GRID2: variants seen among roughly 807,000 people sequenced by gnomAD.
GRID2 encodes glutamate ionotropic receptor delta type subunit 2, also known as glutamate receptor ionotropic, delta-2.
In GRID2, 33 loss-of-function variants were observed where a neutral mutation model predicts 114.8. The ratio of observed to expected loss-of-function variants is 0.29; its 90% CI spans 0.22 to 0.38. The LOEUF (loss-of-function observed/expected upper bound fraction) is 0.38, where lower values mean the gene tolerates loss of function less well. Among genes scored for constraint, GRID2 ranks in the 10% least tolerant of loss-of-function variants. GRID2 has a pLI of 1.00. For missense variants in GRID2, 1,184 were observed against 1,257.7 expected (o/e 0.94, Z 0.89); for synonymous variants, 505 against 449.9 (o/e 1.12, Z -1.55).
At position 93,490,759 on chromosome 4, in the gene GRID2, G is replaced by T. The variant is rs745635313; in HGVS notation, c.1979G>T (p.Arg660Leu). Residue 660 changes from arginine (R) to leucine (L), a missense_variant, in exon 12 of 16, where the codon CGC becomes CTC. Arg to Leu is a moderately radical substitution (Grantham distance 102, BLOSUM62 -2). Around this residue, in one of 3 missense-constraint regions of GRID2, gnomAD observed 717 missense variants for 796.9 expected, o/e 0.90. Transcript: ENST00000282020. The stretch of plus-strand genomic sequence containing the variant: ...CTCGCTGCTTTCCTCACTATTACAC[G>T]CATTGAAAGTTCCATCCAGTAAGTA... The part of the protein sequence containing the change: ...ANLAAFLTIT[R>L]IESSIQSLQD... The T allele has an allele frequency of 1.9e-6, 3 of 1,604,756 alleles. No homozygotes were observed. Among genetic ancestry groups the T allele is most frequent in the Non-Finnish European group, 2.6e-6 (3 of 1,174,234 alleles).
intron 1 of GRID2, among the ~76,000 whole-genome samples, chr4:92,455,086 A>G (rs904393963): frequency 1.3e-5 from 2 of 152,172 alleles, no homozygotes; most frequent in Non-Finnish European, 2.9e-5. Context: ...CACCGCTGTA[A>G]ATTTCTATTC....
intron 2 of GRID2, among the ~76,000 whole-genome samples, chr4:92,823,914 A>T (rs909483632): frequency 3.3e-5 from 5 of 152,164 alleles, no homozygotes; most frequent in Non-Finnish European, 4.4e-5. Flanking sequence ...CCCATCAGTA[A>T]TTCCTTCCAG....
intron 2 of GRID2, among the ~76,000 whole-genome samples, chr4:93,070,529 CTG>C (rs1459221350): frequency 6.6e-6 from 1 of 152,000 alleles, no homozygotes; most frequent in Non-Finnish European, 1.5e-5. Flanking sequence ...GAATGGATAA[CTG>C]TGATCCAGCT....
intron 8 of GRID2, among the ~76,000 whole-genome samples, chr4:93,316,279 A>T (rs1560490262): frequency 2.5e-5 from 1 of 40,402 alleles, no homozygotes; most frequent in Non-Finnish European, 4.6e-5. Flanking sequence ...AAGAAAGAAA[A>T]GAACGAAAGA....
At chr4:93,729,312 A>T (rs1165679462) in intron 14 of GRID2, among the ~76,000 whole-genome samples, 1 of 152,222 alleles carries the variant, frequency 6.6e-6, no homozygotes, top group Non-Finnish European at 1.5e-5. Context: ...CAATCTACAG[A>T]CAGGAGATCC....
chr4:93,441,137 T>C (rs1025620030), intron 10 of GRID2, among the ~76,000 whole-genome samples: 35 of 152,116 alleles, frequency 2.3e-4, no homozygotes, highest in African/African-American at 8.4e-4. Flanking sequence ...CGGTTGGCTA[T>C]TGAAATTCCA....
intron 1 of GRID2, among the ~76,000 whole-genome samples, chr4:92,514,262 G>A (rs1027881427): frequency 1.3e-5 from 2 of 151,710 alleles, no homozygotes; most frequent in African/African-American, 2.4e-5. Flanking sequence ...TAATTTGATA[G>A]TACAGCTTAT....
chr4:92,558,723 C>A (rs1726980349), intron 1 of GRID2, among the ~76,000 whole-genome samples: 1 of 152,070 alleles, frequency 6.6e-6, no homozygotes. Context: ...ATCTGTGAAC[C>A]ACTAGATCAT....
At chr4:93,302,792 A>G in intron 8 of GRID2, 3 of 324,212 alleles carry the variant, frequency 9.3e-6, no homozygotes, top group Non-Finnish European at 1.8e-5. Flanking sequence ...GAGACTAATT[A>G]TAATGATTAC....
At chr4:93,270,227 C>G (rs962680388) in intron 8 of GRID2, among the ~76,000 whole-genome samples, 3 of 142,586 alleles carry the variant, frequency 2.1e-5, no homozygotes, top group Non-Finnish European at 4.5e-5. Context: ...CACACACACA[C>G]ACACACACAC....
In GRID2 at chr4:92,951,717, T is replaced by C. The variant is rs549027882; in HGVS notation, c.245-133278T>C. On this transcript the variant is annotated intron_variant, in intron 2 of 15. Transcript: ENST00000282020. ...CCAAGCCATTAGTTTTGCACCAAAC[T>C]GTGTGACCCAAACACCCAATTCCTC... Among the ~76,000 whole-genome samples the C allele has an allele frequency of 3.6e-4, 55 of 152,310 alleles. No homozygotes were observed. In the South Asian group the frequency reaches 0.011, roughly 29 times the overall value.
At chr4:92,781,646 A>T (rs1739082973) in intron 2 of GRID2, among the ~76,000 whole-genome samples, 1 of 152,104 alleles carries the variant, frequency 6.6e-6, no homozygotes, top group Non-Finnish European at 1.5e-5. Context: ...TATATATGTT[A>T]TACTATTTAT....
rs973026244 is a variant in GRID2, at chr4:92,510,703, G to A, written c.89-79428G>A. ...TAAGTCATAGTATGTTACGAAATAC[G>A]TAGGAAAGAGTTTGGATATCCAAAC... On this transcript the variant is annotated intron_variant, in intron 1 of 15. Transcript: ENST00000282020. 3.3e-5 allele frequency among the ~76,000 whole-genome samples: 5 copies of A among 151,630 alleles called. No homozygotes were observed. In the East Asian group the frequency reaches 7.8e-4, roughly 24 times the overall value.
chr4:93,583,336 C>T (rs10516922), intron 13 of GRID2, among the ~76,000 whole-genome samples: 30,350 of 152,036 alleles, frequency 0.2, 3,362 homozygotes, highest in Middle Eastern at 0.3. Flanking sequence ...GTTTGTGTTA[C>T]ACTTCTCTTT....
downstream of GRID2, among the ~76,000 whole-genome samples, chr4:93,778,350 G>T (rs954111199): frequency 2.0e-5 from 3 of 148,266 alleles, no homozygotes; most frequent in African/African-American, 7.4e-5. Context: ...CTAAAATTAA[G>T]CTGAAAAATA....
intron 13 of GRID2, among the ~76,000 whole-genome samples, chr4:93,624,494 T>C (rs891880010): frequency 1.3e-5 from 2 of 152,206 alleles, no homozygotes; most frequent in Non-Finnish European, 2.9e-5. Flanking sequence ...CGGATTTTTT[T>C]TCTTCCTGGT....
chr4:93,304,053 T>C (rs1012645624), intron 8 of GRID2, among the ~76,000 whole-genome samples: 1 of 151,670 alleles, frequency 6.6e-6, no homozygotes, highest in Non-Finnish European at 1.5e-5. Context: ...AAAGCAAATA[T>C]TTTAAAAAGT....
intron 1 of GRID2, among the ~76,000 whole-genome samples, chr4:92,382,677 A>G (rs1232333281): frequency 6.6e-6 from 1 of 151,992 alleles, no homozygotes; most frequent in Non-Finnish European, 1.5e-5. Flanking sequence ...TCACTTTCAA[A>G]TTTAGAAAGG....
intron 2 of GRID2, among the ~76,000 whole-genome samples, chr4:93,034,088 A>G (rs1199127079): frequency 6.6e-6 from 1 of 152,308 alleles, no homozygotes; most frequent in Middle Eastern, 3.4e-3. Flanking sequence ...CTGTCAAGCT[A>G]CCTACTGGGT....
Sources: allele counts gnomAD v4.1 joint callset (sites outside exome capture counted in the v4.1 genomes callset), GRCh38; gene constraint gnomAD v4.1.1; regional missense constraint gnomAD v4.1.1; transcripts MANE v1.5; gene names NCBI Gene and HGNC (gene_info 2026-07-23, HGNC 2026-07-21).